Variants in SLC9A1 observed in about 807,000 individuals in gnomAD.
SLC9A1 encodes the protein solute carrier family 9 member A1, also known as sodium/hydrogen exchanger 1.
Under a neutral mutation model 67.9 loss-of-function variants are expected in SLC9A1, and 22 were observed. The ratio of observed to expected loss-of-function variants is 0.32; its 90% CI spans 0.23 to 0.46. The LOEUF (loss-of-function observed/expected upper bound fraction) is 0.46, where lower values mean the gene tolerates loss of function less well. SLC9A1 is among the 20% of genes least tolerant of loss of function. The probability of loss-of-function intolerance (pLI) is 1.00; values close to 1 mark genes in which losing one functional copy is unlikely to be tolerated. For synonymous variants in SLC9A1, 421 were observed against 471.8 expected, an observed-to-expected ratio of 0.89 and a Z score of 1.40; for missense variants, 686 against 1,094.8, an observed-to-expected ratio of 0.63 and a Z score of 5.27.
At chr1:27,131,947 A>AAAAAAAAAAATATAT in intron 1 of SLC9A1, among the ~76,000 whole-genome samples, 24 of 52,104 alleles carry the variant, frequency 4.6e-4, no homozygotes, top group African/African-American at 1.4e-3. Flanking sequence ...AGAAAAAAAA[A>AAAAAAAAAAATATAT]ATATATATAT....
chr1:27,136,482 C>A (rs1173364655), intron 1 of SLC9A1, among the ~76,000 whole-genome samples: 1 of 152,210 alleles, frequency 6.6e-6, no homozygotes, highest in African/African-American at 2.4e-5. Flanking sequence ...CCAGAAAAGT[C>A]AGACCCTGCC....
chr1:27,100,365 T>A lies in SLC9A1; in HGVS notation c.2390A>T (p.Asp797Val). Residue 797 changes from aspartate to valine, a missense_variant, in exon 12 of 12, where the codon GAC (aspartate) becomes GTC (valine). Physicochemically the swap from Asp to Val is radical, Grantham distance 152 (BLOSUM62 -3). Coordinates refer to ENST00000263980, the MANE Select transcript of SLC9A1 (RefSeq NM_003047.5). This position sits in a 1 kb window ranked among gnomAD's most constrained non-coding sequence, Gnocchi z 5.6. ...CCCAGGCTCAGGGTGTGGGCCTGGG[T>A]CACTGAGGCAGCGCTGTATCCTCTG... ...SSQRIQRCLS[D>V]PGPHPEPGEG... 1 of 1,568,552 alleles carries A rather than the reference T, an allele frequency of 6.4e-7. No homozygotes were observed. The highest frequency in any genetic ancestry group is 8.7e-7 in the Non-Finnish European group (1 of 1,155,630).
chr1:27,120,441 T>A (rs1020776163), intron 1 of SLC9A1, among the ~76,000 whole-genome samples: 55 of 151,792 alleles, frequency 3.6e-4, no homozygotes, highest in African/African-American at 1.1e-3. Flanking sequence ...ATACTTTTTT[T>A]AAAATGTAGC....
intron 1 of SLC9A1, among the ~76,000 whole-genome samples, chr1:27,152,330 G>A (rs1473654760): frequency 6.6e-6 from 1 of 152,202 alleles, no homozygotes; most frequent in Non-Finnish European, 1.5e-5. Flanking sequence ...TGCCAGCCCT[G>A]AATGCCCTAA....
At position 27,109,527 on chromosome 1, in the gene SLC9A1, G is replaced by A; in HGVS notation, c.1064C>T (p.Ala355Val). The change falls in exon 3 of 12, where the codon GCG (alanine) becomes GTG (valine). Residue 355 changes from alanine (A) to valine (V), a missense_variant and splice_region_variant. Physicochemically the swap from Ala to Val is moderately conservative, Grantham distance 64 (BLOSUM62 0). This residue lies in a region of SLC9A1 where 168 missense variants were observed against 375.4 expected (regional missense o/e 0.45). Coordinates refer to ENST00000263980, the MANE Select transcript of SLC9A1 (RefSeq NM_003047.5). The surrounding 1 kb of genome is among the most constrained non-coding windows in gnomAD (Gnocchi z 5.5). ...AELFHLSGIM[A>V]LIASGVVMRP... The stretch of plus-strand genomic sequence containing the variant: ...CACTGCCTGCTGCACGCAGACTCAC[G>A]CCATGATGCCTGACAGGTGGAAGAG... 2 of 1,591,320 alleles carry A rather than the reference G, an allele frequency of 1.3e-6. No individual in the cohort carries two copies. The highest frequency in any genetic ancestry group is 1.1e-5 in the South Asian group (1 of 90,794).
intron 1 of SLC9A1, among the ~76,000 whole-genome samples, chr1:27,131,947 A>AAATATATATAT: frequency 1.2e-4 from 6 of 52,124 alleles, no homozygotes; most frequent in South Asian, 6.1e-4. Context: ...AGAAAAAAAA[A>AAATATATATAT]ATATATATAT....
rs1012311537 is a variant in SLC9A1 at position 27,100,359 on chromosome 1, C to T, written c.2396G>A (p.Gly799Asp). The T allele has an allele frequency of 6.4e-7, 1 of 1,566,332 alleles. No homozygotes were observed. The highest frequency in any genetic ancestry group is 8.7e-7 in the Non-Finnish European group (1 of 1,154,662). ...QRIQRCLSDP[G>D]PHPEPGEGEP... ...TCCCTCCCCAGGCTCAGGGTGTGGG[C>T]CTGGGTCACTGAGGCAGCGCTGTAT... is the stretch of plus-strand genomic sequence containing the variant. The change falls in exon 12 of 12, where the codon GGC becomes GAC. Residue 799 changes from glycine (G) to aspartate (D), a missense_variant. Physicochemically the swap from Gly to Asp is moderately conservative, Grantham distance 94 (BLOSUM62 -1). Around this residue, in one of 7 missense-constraint regions of SLC9A1, gnomAD observed 226 missense variants for 282.4 expected, o/e 0.80. Coordinates refer to ENST00000263980, the MANE Select transcript of SLC9A1 (RefSeq NM_003047.5). The surrounding 1 kb of genome is among the most constrained non-coding windows in gnomAD (Gnocchi z 5.6).
chr1:27,131,938 G>GAAAAAAAAAAAAAA (rs1351315440), intron 1 of SLC9A1, among the ~76,000 whole-genome samples: 2 of 35,024 alleles, frequency 5.7e-5, no homozygotes, highest in African/African-American at 2.2e-4. Context: ...AGAAGAAGAA[G>GAAAAAAAAAAAAAA]AAAAAAAAAA....
chr1:27,107,232 A>C (rs113206110), intron 4 of SLC9A1, among the ~76,000 whole-genome samples: 1 of 176 alleles, frequency 5.7e-3, no homozygotes. Flanking sequence ...CACACACCCA[A>C]CCCCTACACA....
rs1388923437 is a variant in SLC9A1 at position 27,101,768 on chromosome 1, T to C, written c.1994A>G (p.Gln665Arg). The C allele has an allele frequency of 5.6e-6, 9 of 1,613,342 alleles. No individual in the cohort carries two copies. The highest frequency in any genetic ancestry group is 7.6e-6 in the Non-Finnish European group (9 of 1,179,946). The change falls in exon 10 of 12, where the codon CAG becomes CGG. Residue 665 changes from glutamine to arginine, a missense_variant. Around this residue, in one of 7 missense-constraint regions of SLC9A1, gnomAD observed 226 missense variants for 282.4 expected, o/e 0.80. Transcript: ENST00000263980. This position sits in a 1 kb window ranked among gnomAD's most constrained non-coding sequence, Gnocchi z 4.9. Reference sequence around the variant, plus strand: ...GGCCTTCTGCCTCCGGAGCAGCATCTGGTTCCAGGCTTCCTCGTAGGGGTC... The same window carrying C: ...GGCCTTCTGCCTCCGGAGCAGCATCCGGTTCCAGGCTTCCTCGTAGGGGTC... ...VADPYEEAWNQMLLRRQKARQ... is the reference protein window; with the variant it reads ...VADPYEEAWNRMLLRRQKARQ...
chr1:27,105,793 T>C, intron 5 of SLC9A1, 92 bp downstream of exon 5: 1 of 1,117,934 alleles, frequency 8.9e-7, no homozygotes. Flanking sequence ...GGGACTAGAA[T>C]CGCATTTCAA....
rs754736755 is a variant in SLC9A1, at chr1:27,154,438, C to G, written c.-104G>C. 1.8e-4 allele frequency: 121 copies of G among 661,806 alleles called. No individual in the cohort carries two copies. Among genetic ancestry groups the G allele is most frequent in the Non-Finnish European group, 2.5e-4 (103 of 411,138 alleles). 41.0% of individuals were successfully genotyped at this position (661,806 alleles called of 1,614,324 possible). On this transcript the variant is annotated 5_prime_UTR_variant, in exon 1 of 12. It removes the in-frame stop codon of an upstream open reading frame in the 5' UTR. Coordinates refer to ENST00000263980, the MANE Select transcript of SLC9A1 (RefSeq NM_003047.5). ...GTGGGAAGAGAGACTGGCGTAGTCT[C>G]TAGGAAAAGTTCATGTTTTAGAGAG... is the stretch of plus-strand genomic sequence containing the variant.
intron 1 of SLC9A1, among the ~76,000 whole-genome samples, chr1:27,126,622 C>A (rs1052675194): frequency 6.6e-6 from 1 of 152,164 alleles, no homozygotes; most frequent in African/African-American, 2.4e-5. Context: ...TCTGTCTCCC[C>A]CTCCAGACCA....
chr1:27,129,184 C>T (rs1023910067), intron 1 of SLC9A1, among the ~76,000 whole-genome samples: 1 of 152,192 alleles, frequency 6.6e-6, no homozygotes, highest in Admixed American at 6.5e-5. Context: ...TGCACAATAC[C>T]AGCAAGATGG....
Position 27,155,067 on chromosome 1 carries a change from A to G in SLC9A1, c.-733T>C, listed in dbSNP as rs1366314155. ...CGGCGCTCCGCCCCGGCCCAGCTGC[A>G]GCTCCTCCTGGTCCAGCTCCAGAAC... On this transcript the variant is annotated 5_prime_UTR_variant, in exon 1 of 12. Coordinates refer to ENST00000263980, the MANE Select transcript of SLC9A1 (RefSeq NM_003047.5). This position sits in a 1 kb window ranked among gnomAD's most constrained non-coding sequence, Gnocchi z 4.5. Among the ~76,000 whole-genome samples the G allele has an allele frequency of 6.6e-6, 1 of 152,012 alleles. No homozygotes were observed. Among genetic ancestry groups the G allele is most frequent in the Non-Finnish European group, 1.5e-5 (1 of 67,978 alleles).
rs71010329 is a variant in SLC9A1, at chr1:27,131,947, A to AAT, written c.353-17663_353-17662dup. On this transcript the variant is annotated intron_variant, in intron 1 of 11. Coordinates refer to ENST00000263980, the MANE Select transcript of SLC9A1 (RefSeq NM_003047.5). ...AAAAGAAGAAGAAGAAGAAAAAAAA[A>AAT]ATATATATATATATATATATATATA... Among the ~76,000 whole-genome samples the AAT allele has an allele frequency of 1.4e-3, 72 of 52,088 alleles. 1 individual carries two copies. Among genetic ancestry groups the AAT allele is most frequent in the South Asian group, 3.1e-3 (5 of 1,620 alleles). The allele number at this position is 52,088 out of a possible 152,430, so 34.2% of individuals were successfully genotyped here. A position where few individuals can be genotyped will look rare whatever the true frequency, so the allele number is the denominator to read the frequency against.
At chr1:27,152,817 G>C (rs958732279) in intron 1 of SLC9A1, among the ~76,000 whole-genome samples, 1 of 152,170 alleles carries the variant, frequency 6.6e-6, no homozygotes, top group African/African-American at 2.4e-5. Flanking sequence ...CAGCCCGGCA[G>C]CACCGCTCAG....
At chr1:27,145,295 C>G (rs1189930413) in intron 1 of SLC9A1, among the ~76,000 whole-genome samples, 1 of 152,188 alleles carries the variant, frequency 6.6e-6, no homozygotes, top group African/African-American at 2.4e-5. Flanking sequence ...GGAGTCCGCC[C>G]AGCCCTGGCA....
chr1:27,112,883 CAA>C (rs58540104), intron 2 of SLC9A1, among the ~76,000 whole-genome samples: 10 of 41,514 alleles, frequency 2.4e-4, no homozygotes, highest in African/African-American at 3.4e-4. Flanking sequence ...GACTCCATCT[CAA>C]AAAAAAAAAA....
Sources: gnomAD v4.1 joint callset for allele counts (sites outside exome capture counted in the v4.1 genomes callset) on GRCh38, gnomAD v4.1.1 for gene constraint, gnomAD v4.1.1 regional missense constraint, Gnocchi (gnomAD v3.1) non-coding constraint, MANE v1.5 for transcripts, NCBI Gene and HGNC (gene_info 2026-07-23, HGNC 2026-07-21) for gene names.